The following USP9Y variants were observed in gnomAD, a reference collection of about 807,000 sequenced individuals.
The protein encoded by USP9Y is ubiquitin carboxyl-terminal hydrolase 9Y.
USP9Y carries 41 observed loss-of-function variants against 53.1 expected under a neutral mutation model. The observed-to-expected ratio is 0.77, with a 90% CI of 0.60 to 1.00. The LOEUF is 1.00. Among genes scored for constraint, USP9Y ranks in the 50% least tolerant of loss-of-function variants. The pLI, the probability that USP9Y is intolerant of heterozygous loss-of-function variation, is 0.00. For missense variants in USP9Y, 567 were observed against 535.8 expected, an observed-to-expected ratio of 1.06 and a Z score of -0.58; for synonymous variants, 220 against 173.7, an observed-to-expected ratio of 1.27 and a Z score of -2.09.
chrY:12,793,957 A>G, intron 27 of USP9Y, among the ~76,000 whole-genome samples: 1 of 33,393 alleles, frequency 3.0e-5, no homozygotes, highest in Non-Finnish European at 7.4e-5. Context: ...TGTGAATATT[A>G]CTATGAGCAC....
At chrY:12,811,885 G>T (rs771062699) in intron 30 of USP9Y, 104 bp downstream of exon 30, 3 of 192,766 alleles carry the variant, frequency 1.6e-5, no homozygotes, top group African/African-American at 1.7e-4. Context: ...CACCTCCCGG[G>T]TTCAAGTGAT....
At chrY:12,811,867 G>T in intron 30 of USP9Y, 86 bp downstream of exon 30, 2 of 230,902 alleles carry the variant, frequency 8.7e-6, no homozygotes, top group Admixed American at 1.9e-4. Context: ...TCAGCTCACC[G>T]CAGCCTCCAC....
At chrY:12,815,732 G>A in intron 31 of USP9Y, among the ~76,000 whole-genome samples, 2 of 32,934 alleles carry the variant, frequency 6.1e-5, no homozygotes, top group African/African-American at 2.4e-4. Context: ...ACATGCCACC[G>A]TGTTCAGCTA....
chrY:12,764,425 C>T (rs2053478524), intron 15 of USP9Y, among the ~76,000 whole-genome samples: 1 of 33,339 alleles, frequency 3.0e-5, no homozygotes, highest in Non-Finnish European at 7.4e-5. Context: ...GAAGTTTATA[C>T]AAAGAGAAAA....
At chrY:12,716,138 A>T (rs2053430340) in intron 3 of USP9Y, among the ~76,000 whole-genome samples, 1 of 34,243 alleles carries the variant, frequency 2.9e-5, no homozygotes, top group East Asian at 7.6e-4. Context: ...GTGTGCTTAC[A>T]CAAACCTGGA....
intron 18 of USP9Y, among the ~76,000 whole-genome samples, chrY:12,775,783 A>G (rs2148285631): frequency 3.0e-5 from 1 of 32,906 alleles, no homozygotes; most frequent in Admixed American, 2.8e-4. Context: ...AAATGTAATT[A>G]TTCATTATCG....
intron 12 of USP9Y, among the ~76,000 whole-genome samples, chrY:12,748,361 A>G: frequency 3.0e-5 from 1 of 33,327 alleles, no homozygotes; most frequent in African/African-American, 1.2e-4. Context: ...TTCCTGATAC[A>G]TAGAGACTGG....
intron 13 of USP9Y, among the ~76,000 whole-genome samples, chrY:12,757,734 C>T: frequency 3.0e-5 from 1 of 33,286 alleles, no homozygotes; most frequent in Non-Finnish European, 7.4e-5. Context: ...GATCCACCCA[C>T]CTCAGCCCCA....
intron 3 of USP9Y, among the ~76,000 whole-genome samples, chrY:12,709,788 T>C: frequency 6.3e-4 from 20 of 31,838 alleles, no homozygotes; most frequent in Admixed American, 5.3e-3. Context: ...CTGTCTCCCA[T>C]ACAAAAATTA....
chrY:12,859,228 A>T, intron 45 of USP9Y, 51 bp from the exon 46 acceptor site: 2 of 381,684 alleles, frequency 5.2e-6, no homozygotes, highest in South Asian at 6.2e-5. Flanking sequence ...TAAATTTTTA[A>T]TTGTTAATAT....
At chrY:12,828,414 A>G in intron 33 of USP9Y, among the ~76,000 whole-genome samples, 1 of 33,835 alleles carries the variant, frequency 3.0e-5, no homozygotes, top group Non-Finnish European at 7.4e-5. Flanking sequence ...CAATTAATAT[A>G]CTTACATTAA....
rs368029195 is a variant in USP9Y at position 12,778,700 on chromosome Y, G to A, written c.2975G>A (p.Arg992His). The A allele has an allele frequency of 2.8e-5, 11 of 395,208 alleles. No individual in the cohort carries two copies. The highest frequency in any genetic ancestry group is 6.4e-5 in the African/African-American group (1 of 15,627). ...DSSTASPGNHRNHYNDGPNLE... is the reference protein window; with the variant it reads ...DSSTASPGNHHNHYNDGPNLE... Reference sequence around the variant, plus strand: ...TCAACTGCATCTCCTGGAAACCACCGTAATCATTACAATGATGGTCCCAAT... The same window carrying A: ...TCAACTGCATCTCCTGGAAACCACCATAATCATTACAATGATGGTCCCAAT... The change falls in exon 21 of 46, where the codon CGT becomes CAT. Residue 992 changes from arginine to histidine, a missense_variant. Arg to His is a conservative substitution (Grantham distance 29). Coordinates refer to ENST00000338981, the MANE Select transcript of USP9Y (RefSeq NM_004654.4).
chrY:12,751,318 C>G, intron 12 of USP9Y, among the ~76,000 whole-genome samples: 1 of 33,232 alleles, frequency 3.0e-5, no homozygotes, highest in South Asian at 6.7e-4. Flanking sequence ...CCCAGTGACA[C>G]TATTTTTTAA....
At chrY:12,767,031 C>G in intron 15 of USP9Y, among the ~76,000 whole-genome samples, 1 of 33,008 alleles carries the variant, frequency 3.0e-5, no homozygotes, top group African/African-American at 1.2e-4. Flanking sequence ...GGGGACTGAC[C>G]GCTCACAGAC....
At chrY:12,731,884 T>G (rs2053447354) in intron 7 of USP9Y, among the ~76,000 whole-genome samples, 1 of 33,362 alleles carries the variant, frequency 3.0e-5, no homozygotes, top group Non-Finnish European at 7.4e-5. Context: ...GTTAGCTATT[T>G]TTGAGGGTTT....
At chrY:12,746,481 A>G in intron 12 of USP9Y, among the ~76,000 whole-genome samples, 1 of 33,293 alleles carries the variant, frequency 3.0e-5, no homozygotes, top group Admixed American at 2.8e-4. Context: ...AAAAAAACAA[A>G]TACCCTTTTT....
chrY:12,719,027 C>A (rs772846303), intron 3 of USP9Y, among the ~76,000 whole-genome samples: 1 of 33,345 alleles, frequency 3.0e-5, no homozygotes, highest in Admixed American at 2.7e-4. Flanking sequence ...CTTGTAACCA[C>A]CAGTATAATG....
rs1569389382 is a variant in USP9Y, at chrY:12,778,273, G to A, written c.2880+14G>A. The A allele has an allele frequency of 5.6e-6, 2 of 357,848 alleles. No homozygotes were observed. The highest frequency in any genetic ancestry group is 7.9e-6 in the Non-Finnish European group (2 of 252,338). 89.3% of individuals were successfully genotyped at this position (357,848 alleles called of 400,897 possible). A position where few individuals can be genotyped will look rare whatever the true frequency, so the allele number is the denominator to read the frequency against. The stretch of plus-strand genomic sequence containing the variant: ...AAAGATAAATCTGTAAGTAAATACA[G>A]CTTTTAAATAAGTCATGAAACTTAA... On this transcript the variant is annotated intron_variant, in intron 20 of 45. Coordinates refer to ENST00000338981, the MANE Select transcript of USP9Y (RefSeq NM_004654.4).
rs375636378 is a variant in USP9Y, at chrY:12,812,968, G to A, written c.4525G>A (p.Ala1509Thr). The change falls in exon 31 of 46, where the codon GCA (alanine) becomes ACA (threonine). Residue 1509 changes from alanine to threonine, a missense_variant. By Grantham distance (58) the Ala-to-Thr change is moderately conservative (BLOSUM62 0). Coordinates refer to ENST00000338981, the MANE Select transcript of USP9Y (RefSeq NM_004654.4). ...CAATGCCGGTTTTGAGCTACTTGTA[G>A]CATTAGCTATTGGCTGTGTGAGGAA... ...TINAGFELLV[A>T]LAIGCVRNLK... The A allele has an allele frequency of 2.2e-4, 88 of 396,789 alleles. No individual in the cohort carries two copies. Among genetic ancestry groups the A allele is most frequent in the Non-Finnish European group, 3.0e-4 (84 of 282,996 alleles).
Sources: gnomAD v4.1 joint callset for allele counts (sites outside exome capture counted in the v4.1 genomes callset) on GRCh38, gnomAD v4.1.1 for gene constraint, MANE v1.5 for transcripts, NCBI Gene and HGNC (gene_info 2026-07-23, HGNC 2026-07-21) for gene names.